Variants in TMCO5A observed in about 807,000 individuals in gnomAD.
TMCO5A encodes transmembrane and coiled-coil domain-containing protein 5A.
Under a neutral mutation model 42.3 loss-of-function variants are expected in TMCO5A, and 34 were observed. The ratio of observed to expected loss-of-function variants is 0.80; its 90% CI spans 0.61 to 1.07. The LOEUF (loss-of-function observed/expected upper bound fraction) is 1.07. Among genes scored for constraint, TMCO5A ranks in the 50% least tolerant of loss-of-function variants. The probability of loss-of-function intolerance (pLI) is 0.00; values close to 1 mark genes in which losing one functional copy is unlikely to be tolerated. For synonymous variants in TMCO5A, 131 were observed against 115.6 expected (o/e 1.13, Z -0.86); for missense variants, 357 against 327.9 (o/e 1.09, Z -0.69).
chr15:38,032,012 A>G, the TMCO5A span, among the ~76,000 whole-genome samples: 20 of 151,424 alleles, frequency 1.3e-4, no homozygotes, highest in Non-Finnish European at 2.7e-4. Flanking sequence ...CTGGAGTGCA[A>G]TGGTATGATC....
chr15:37,970,370 G>C (rs1890650375), downstream of TMCO5A, among the ~76,000 whole-genome samples: 1 of 152,160 alleles, frequency 6.6e-6, no homozygotes, highest in Non-Finnish European at 1.5e-5. Context: ...CACAAGAACA[G>C]CACAAGAAAG....
the TMCO5A span, chr15:37,994,632 A>G: frequency 6.6e-6 from 1 of 152,130 alleles, no homozygotes; most frequent in South Asian, 2.1e-4. Flanking sequence ...CCAGCTTCCT[A>G]TCACACTTCA....
downstream of TMCO5A, chr15:37,967,791 T>A (rs1468554025): frequency 2.6e-5 from 4 of 152,174 alleles, no homozygotes; most frequent in African/African-American, 9.7e-5. Context: ...TCAGGAGCCT[T>A]TATAGCTCTC....
chr15:38,038,557 C>T, the TMCO5A span, among the ~76,000 whole-genome samples: 1 of 152,068 alleles, frequency 6.6e-6, no homozygotes, highest in South Asian at 2.1e-4. Flanking sequence ...AGGCACCCAC[C>T]ACCACGCCCG....
At chr15:38,007,872 C>CTTTTTTT in the TMCO5A span, among the ~76,000 whole-genome samples, 69 of 47,406 alleles carry the variant, frequency 1.5e-3, 19 homozygotes, top group East Asian at 7.8e-3. Flanking sequence ...CTCACCCACA[C>CTTTTTTT]TTTTTTTTTT....
At chr15:37,935,086 G>A (rs1388087764) in intron 1 of TMCO5A, among the ~76,000 whole-genome samples, 171 bp from the exon 2 acceptor site, 2 of 151,980 alleles carry the variant, frequency 1.3e-5, no homozygotes, top group African/African-American at 4.8e-5. Context: ...TCAGAACACG[G>A]GCAGAAGAAT....
the TMCO5A span, among the ~76,000 whole-genome samples, chr15:37,973,957 G>C: frequency 6.6e-6 from 1 of 151,998 alleles, no homozygotes; most frequent in Admixed American, 6.6e-5. Flanking sequence ...GTGTATCAAG[G>C]GTTTTTAACA....
the TMCO5A span, chr15:38,025,163 GTGTGTGTGT>G: frequency 5.4e-4 from 5 of 9,250 alleles, no homozygotes; most frequent in Non-Finnish European, 1.1e-3. Context: ...CAGCTTTTGG[GTGTGTGTGT>G]GTGTGTGTGT....
At position 37,946,273 on chromosome 15, in the gene TMCO5A, A is replaced by T. The variant is rs142463945; in HGVS notation, c.628-1383A>T. On this transcript the variant is annotated intron_variant, in intron 10 of 11. Coordinates refer to ENST00000319669, the MANE Select transcript of TMCO5A (RefSeq NM_152453.4). The stretch of plus-strand genomic sequence containing the variant: ...CTGTTTTGGTTACTGTAGCCTTGTA[A>T]TATAGTTTGAAGTCAGGTAGCGTGA... Among the ~76,000 whole-genome samples, 581 of 152,062 alleles carry T rather than the reference A, an allele frequency of 3.8e-3. 6 individuals are homozygous for T. Among genetic ancestry groups the T allele is most frequent in the African/African-American group, 0.012 (518 of 41,486 alleles).
intron 10 of TMCO5A, among the ~76,000 whole-genome samples, chr15:37,945,352 C>A (rs2048668246): frequency 6.6e-6 from 1 of 151,970 alleles, no homozygotes; most frequent in Non-Finnish European, 1.5e-5. Flanking sequence ...GCATGTGTCT[C>A]TATGATAGAA....
chr15:38,006,142 T>C, the TMCO5A span, among the ~76,000 whole-genome samples: 1 of 152,182 alleles, frequency 6.6e-6, no homozygotes, highest in African/African-American at 2.4e-5. Context: ...CAGCACACCA[T>C]GCAAGGCCAC....
chr15:37,946,875 AC>A (rs1889983726), intron 10 of TMCO5A, among the ~76,000 whole-genome samples: 1 of 152,176 alleles, frequency 6.6e-6, no homozygotes, highest in African/African-American at 2.4e-5. Flanking sequence ...CCTGGCCAGA[AC>A]TTCCAATGCT....
chr15:37,996,468 A>C, the TMCO5A span, among the ~76,000 whole-genome samples: 1 of 152,212 alleles, frequency 6.6e-6, no homozygotes, highest in African/African-American at 2.4e-5. Flanking sequence ...CTACCTGTCT[A>C]ATGACCAAGT....
At chr15:37,953,126 G>A (rs1255943781), downstream of TMCO5A, among the ~76,000 whole-genome samples, 1 of 152,152 alleles carries the variant, frequency 6.6e-6, no homozygotes, top group African/African-American at 2.4e-5. Flanking sequence ...CATGCACAGG[G>A]CCAGGGGTAA....
chr15:38,011,852 T>C, the TMCO5A span, among the ~76,000 whole-genome samples: 1 of 152,058 alleles, frequency 6.6e-6, no homozygotes, highest in Non-Finnish European at 1.5e-5. Flanking sequence ...TGGCCAGGCA[T>C]GGTGGCTCAT....
chr15:38,021,470 G>A, the TMCO5A span, among the ~76,000 whole-genome samples: 58 of 152,046 alleles, frequency 3.8e-4, no homozygotes, highest in African/African-American at 1.4e-3. Context: ...GCATGTGGGG[G>A]GATTTTTTTA....
chr15:38,039,392 T>G, the TMCO5A span, among the ~76,000 whole-genome samples: 1 of 152,232 alleles, frequency 6.6e-6, no homozygotes, highest in Non-Finnish European at 1.5e-5. Context: ...TATTAGGGCA[T>G]GGCCTCAATT....
the TMCO5A span, among the ~76,000 whole-genome samples, chr15:38,021,762 T>C: frequency 2.6e-5 from 4 of 151,968 alleles, no homozygotes; most frequent in Non-Finnish European, 5.9e-5. Flanking sequence ...ATTTTTTTAA[T>C]TCAATGTAGC....
the TMCO5A span, among the ~76,000 whole-genome samples, chr15:38,020,769 T>C: frequency 2.6e-5 from 4 of 152,192 alleles, no homozygotes; most frequent in East Asian, 5.8e-4. Flanking sequence ...TGGGGGAAAT[T>C]TTAAATAAAA....
Sources: gnomAD v4.1 joint callset for allele counts (sites outside exome capture counted in the v4.1 genomes callset) on GRCh38, gnomAD v4.1.1 for gene constraint, MANE v1.5 for transcripts, NCBI Gene and HGNC (gene_info 2026-07-23, HGNC 2026-07-21) for gene names.